Variants in CNBD1 observed in about 807,000 individuals in gnomAD.
CNBD1 encodes cyclic nucleotide-binding domain-containing protein 1.
In CNBD1, 71 loss-of-function variants were observed where a neutral mutation model predicts 54.4. That is an observed-to-expected ratio of 1.30 (90% CI 1.08 to 1.59). The LOEUF is 1.59. Among genes scored for constraint, CNBD1 ranks in the 40% most tolerant of loss-of-function variants. The probability of loss-of-function intolerance (pLI) is 0.00; values close to 1 mark genes in which losing one functional copy is unlikely to be tolerated. For synonymous variants in CNBD1, 182 were observed against 170.7 expected, an observed-to-expected ratio of 1.07 and a Z score of -0.51; for missense variants, 659 against 518.0, an observed-to-expected ratio of 1.27 and a Z score of -2.64.
At chr8:87,379,896 A>G (rs1811039327) in intron 10 of CNBD1, among the ~76,000 whole-genome samples, 1 of 151,772 alleles carries the variant, frequency 6.6e-6, no homozygotes, top group Non-Finnish European at 1.5e-5. Flanking sequence ...GAGTAAAAGG[A>G]AAATACACGA....
At position 86,997,533 on chromosome 8, in the gene CNBD1, T is replaced by C. The variant is rs901669363; in HGVS notation, c.431+57779T>C. Among the ~76,000 whole-genome samples, 26 of 152,256 alleles carry C rather than the reference T, an allele frequency of 1.7e-4. 1 individual carries two copies. Among genetic ancestry groups the C allele is most frequent in the Non-Finnish European group, 3.4e-4 (23 of 68,008 alleles). ...AATGGTTCCTCATTTATCTGAGAAA[T>C]AGTGTTCAGAGAAATATCACCTCTG... On this transcript the variant is annotated intron_variant, in intron 4 of 10. Coordinates refer to ENST00000518476, the MANE Select transcript of CNBD1 (RefSeq NM_173538.3).
intron 4 of CNBD1, among the ~76,000 whole-genome samples, chr8:87,156,820 C>T (rs530196654): frequency 2.0e-5 from 3 of 152,006 alleles, no homozygotes; most frequent in Non-Finnish European, 2.9e-5. Context: ...AGCAATTATT[C>T]GTCAGAAACT....
At chr8:87,102,669 A>G (rs902072886) in intron 4 of CNBD1, among the ~76,000 whole-genome samples, 1 of 152,044 alleles carries the variant, frequency 6.6e-6, no homozygotes, top group Non-Finnish European at 1.5e-5. Flanking sequence ...GCTGGAGTGC[A>G]GTGGCGCGAT....
intron 8 of CNBD1, among the ~76,000 whole-genome samples, chr8:87,329,758 C>T (rs1420306785): frequency 6.6e-6 from 1 of 151,850 alleles, no homozygotes; most frequent in East Asian, 1.9e-4. Flanking sequence ...GTATCCGCAA[C>T]CCTTATATAT....
chr8:87,252,459 C>A (rs1040683611), intron 6 of CNBD1, among the ~76,000 whole-genome samples: 1 of 152,030 alleles, frequency 6.6e-6, no homozygotes, highest in Non-Finnish European at 1.5e-5. Context: ...ATCAGAGGAG[C>A]AATTAGTTAT....
chr8:87,426,329 A>G (rs976963687), intron 2 of CNBD1, among the ~76,000 whole-genome samples: 22 of 152,212 alleles, frequency 1.4e-4, no homozygotes, highest in Admixed American at 6.5e-5. Flanking sequence ...CTATTCGGCC[A>G]TCTTGGCTCT....
chr8:87,039,157 T>G (rs1029509161), intron 4 of CNBD1, among the ~76,000 whole-genome samples: 2 of 152,238 alleles, frequency 1.3e-5, no homozygotes, highest in African/African-American at 4.8e-5. Flanking sequence ...TCTTTGCCTT[T>G]TATTTTAGTA....
intron 4 of CNBD1, among the ~76,000 whole-genome samples, chr8:87,063,271 G>A (rs1010825879): frequency 6.6e-6 from 1 of 152,200 alleles, no homozygotes; most frequent in African/African-American, 2.4e-5. Flanking sequence ...CACAGGGACT[G>A]TGTTCCTGGA....
chr8:87,254,496 A>G (rs1807972253), intron 6 of CNBD1, among the ~76,000 whole-genome samples: 1 of 152,206 alleles, frequency 6.6e-6, no homozygotes, highest in Non-Finnish European at 1.5e-5. Flanking sequence ...TCCAAGTGGT[A>G]TCAACTGCTC....
intron 6 of CNBD1, among the ~76,000 whole-genome samples, chr8:87,256,848 G>T (rs937966682): frequency 6.6e-6 from 1 of 151,516 alleles, no homozygotes; most frequent in Non-Finnish European, 1.5e-5. Flanking sequence ...TGAATCCAAG[G>T]TTCAAGGTTC....
At position 87,092,373 on chromosome 8, in the gene CNBD1, A is replaced by ATG. The variant is rs1183873767; in HGVS notation, c.432-113608_432-113607dup. On this transcript the variant is annotated intron_variant, in intron 4 of 10. Transcript: ENST00000518476. ...TGTGTGTGTGTGTGTGTGTGTATGTATGTGTGTGTGTGTATATATATGTGT... is the reference window on the plus strand; with the variant it reads ...TGTGTGTGTGTGTGTGTGTGTATGTATGTGTGTGTGTGTGTATATATATGTGT... Among the ~76,000 whole-genome samples the ATG allele has an allele frequency of 2.1e-3, 299 of 140,726 alleles. 1 individual carries two copies. Among genetic ancestry groups the ATG allele is most frequent in the African/African-American group, 7.6e-3 (269 of 35,580 alleles). 92.3% of individuals were successfully genotyped at this position (140,726 alleles called of 152,430 possible).
At chr8:86,920,430 G>T (rs1382094857) in intron 3 of CNBD1, among the ~76,000 whole-genome samples, 2 of 152,116 alleles carry the variant, frequency 1.3e-5, no homozygotes, top group Non-Finnish European at 2.9e-5. Context: ...CTCTTAGTTT[G>T]TGTTATATAA....
chr8:86,908,804 G>A (rs1554629469), intron 3 of CNBD1, among the ~76,000 whole-genome samples: 1 of 137,254 alleles, frequency 7.3e-6, no homozygotes, highest in African/African-American at 2.7e-5. Flanking sequence ...TTTTTTTTGT[G>A]CTGAGGGCAG....
intron 5 of CNBD1, among the ~76,000 whole-genome samples, chr8:87,206,695 A>G (rs1310094662): frequency 6.6e-6 from 1 of 152,206 alleles, no homozygotes; most frequent in African/African-American, 2.4e-5. Context: ...TGAAGGATTT[A>G]GTGGATATAT....
chr8:86,979,730 A>T (rs762429251), intron 4 of CNBD1, among the ~76,000 whole-genome samples: 4 of 152,228 alleles, frequency 2.6e-5, no homozygotes, highest in Non-Finnish European at 5.9e-5. Context: ...ATGTCCCCAT[A>T]TAAGAAGTCC....
intron 5 of CNBD1, among the ~76,000 whole-genome samples, chr8:87,235,961 C>G (rs1252688775): frequency 6.6e-6 from 1 of 152,002 alleles, no homozygotes; most frequent in Non-Finnish European, 1.5e-5. Flanking sequence ...ATCACTCCCC[C>G]ATGGTCACTG....
At chr8:87,196,853 T>G (rs1813732516) in intron 4 of CNBD1, among the ~76,000 whole-genome samples, 1 of 152,200 alleles carries the variant, frequency 6.6e-6, no homozygotes, top group Admixed American at 6.5e-5. Flanking sequence ...AATTTTGCTT[T>G]TGGCCGTCAG....
chr8:86,992,504 A>G (rs972070896), intron 4 of CNBD1, among the ~76,000 whole-genome samples: 1 of 152,012 alleles, frequency 6.6e-6, no homozygotes, highest in Non-Finnish European at 1.5e-5. Context: ...TTTTGATCCT[A>G]TCATCATGTT....
At chr8:87,086,074 G>C (rs1467893255) in intron 4 of CNBD1, among the ~76,000 whole-genome samples, 2 of 152,128 alleles carry the variant, frequency 1.3e-5, no homozygotes, top group East Asian at 1.9e-4. Context: ...TTTCAGCAAT[G>C]GGTCTCTCAT....
Sources: gnomAD v4.1 joint callset for allele counts (sites outside exome capture counted in the v4.1 genomes callset) on GRCh38, gnomAD v4.1.1 for gene constraint, MANE v1.5 for transcripts, NCBI Gene and HGNC (gene_info 2026-07-23, HGNC 2026-07-21) for gene names.